MBD5: variants seen among roughly 807,000 people sequenced by gnomAD.
MBD5 encodes methyl-CpG binding domain protein 5.
A neutral mutation model predicts 117.3 loss-of-function variants in MBD5; 13 were observed. The ratio of observed to expected loss-of-function variants is 0.11; its 90% CI spans 0.07 to 0.18. The LOEUF (loss-of-function observed/expected upper bound fraction) is 0.18, where lower values mean the gene tolerates loss of function less well. Ranked by LOEUF, MBD5 falls within the 10% of genes least tolerant of loss-of-function variation. The pLI is 1.00. For missense variants in MBD5, 1,879 were observed against 2,093.8 expected, an observed-to-expected ratio of 0.90 and a Z score of 2.00; for synonymous variants, 727 against 766.4, an observed-to-expected ratio of 0.95 and a Z score of 0.85.
intron 1 of MBD5, among the ~76,000 whole-genome samples, chr2:148,068,302 C>T (rs189522233): frequency 6.6e-6 from 1 of 152,314 alleles, no homozygotes; most frequent in East Asian, 1.9e-4. Context: ...TACTCACATG[C>T]ATTAGTTCTT....
intron 1 of MBD5, among the ~76,000 whole-genome samples, chr2:148,124,866 G>A (rs923355590): frequency 2.6e-5 from 4 of 151,314 alleles, no homozygotes; most frequent in African/African-American, 9.7e-5. Context: ...TCAAGGAATA[G>A]TTATACATAA....
At chr2:148,032,263 T>C (rs1573931841) in intron 1 of MBD5, among the ~76,000 whole-genome samples, 1 of 152,146 alleles carries the variant, frequency 6.6e-6, no homozygotes, top group Non-Finnish European at 1.5e-5. Flanking sequence ...CCGGAACTTA[T>C]ATCTAAAGAT....
chr2:148,469,814 T>C lies in MBD5; in HGVS notation c.1871T>C (p.Phe624Ser). The change falls in exon 8 of 14, where the codon TTC becomes TCC. Residue 624 changes from phenylalanine to serine, a missense_variant. Coordinates refer to ENST00000642680, the MANE Select transcript of MBD5 (RefSeq NM_001378120.1). ...TEGHSTLNTM[F>S]PPTANMLLPT... Reference sequence around the variant, plus strand: ...GGACATAGCACTTTAAACACCATGTTCCCTCCTACTGCCAACATGCTTCTC... The same window carrying C: ...GGACATAGCACTTTAAACACCATGTCCCCTCCTACTGCCAACATGCTTCTC... 2 of 1,613,858 alleles carry C rather than the reference T, an allele frequency of 1.2e-6. No individual in the cohort carries two copies. The highest frequency in any genetic ancestry group is 8.5e-7 in the Non-Finnish European group (1 of 1,179,862).
At chr2:148,124,036 T>G (rs1696830781) in intron 1 of MBD5, among the ~76,000 whole-genome samples, 1 of 152,182 alleles carries the variant, frequency 6.6e-6, no homozygotes, top group African/African-American at 2.4e-5. Flanking sequence ...TACAGCACTT[T>G]GGGTGGCCAA....
intron 4 of MBD5, among the ~76,000 whole-genome samples, chr2:148,433,395 G>C (rs1706051596): frequency 6.6e-6 from 1 of 152,106 alleles, no homozygotes; most frequent in Non-Finnish European, 1.5e-5. Context: ...ATGTTGAATA[G>C]GAGTGGTGAG....
chr2:148,386,536 G>T lies in MBD5; in HGVS notation c.-557+44200G>T, dbSNP rs184334705. Among the ~76,000 whole-genome samples, 1,252 of 151,604 alleles carry T rather than the reference G, an allele frequency of 8.3e-3. 22 individuals are homozygous for T. The highest frequency in any genetic ancestry group is 0.029 in the African/African-American group (1,206 of 41,342). ...GATCGAGACCATCCCGGCTAAAACG[G>T]TGAAACCCCGTCTCTACTAAAAATA... On this transcript the variant is annotated intron_variant, in intron 4 of 13. Coordinates refer to ENST00000642680, the MANE Select transcript of MBD5 (RefSeq NM_001378120.1).
intron 1 of MBD5, among the ~76,000 whole-genome samples, chr2:148,118,374 C>T (rs1261628300): frequency 1.3e-5 from 2 of 151,786 alleles, no homozygotes; most frequent in Non-Finnish European, 2.9e-5. Context: ...ACTTAGGAGG[C>T]TGAGATTGGA....
intron 1 of MBD5, among the ~76,000 whole-genome samples, chr2:148,151,206 G>T (rs143763416): frequency 6.6e-6 from 1 of 151,828 alleles, no homozygotes; most frequent in Non-Finnish European, 1.5e-5. Context: ...TAATCATGTG[G>T]TTTTTGTCTT....
intron 1 of MBD5, among the ~76,000 whole-genome samples, chr2:148,135,517 G>T (rs1247736581): frequency 6.6e-6 from 1 of 152,062 alleles, no homozygotes; most frequent in Non-Finnish European, 1.5e-5. Flanking sequence ...TGTATTGCTT[G>T]TGTTAAAAGT....
intron 3 of MBD5, among the ~76,000 whole-genome samples, chr2:148,283,657 T>A (rs1013836030): frequency 6.6e-6 from 1 of 152,154 alleles, no homozygotes; most frequent in African/African-American, 2.4e-5. Flanking sequence ...TCATAAGAAA[T>A]GTGCTCTCCA....
chr2:148,465,400 T>C (rs1403763491), intron 7 of MBD5, among the ~76,000 whole-genome samples: 2 of 152,148 alleles, frequency 1.3e-5, no homozygotes, highest in African/African-American at 4.8e-5. Flanking sequence ...ATATGAATGC[T>C]CTCTAAAATA....
rs546222022 is a variant in MBD5 at position 148,081,599 on chromosome 2, T to C, written c.-925+59915T>C. Among the ~76,000 whole-genome samples the C allele has an allele frequency of 2.6e-5, 4 of 152,250 alleles. No individual in the cohort carries two copies. In the East Asian group the frequency reaches 5.8e-4, roughly 22 times the overall value. On this transcript the variant is annotated intron_variant, in intron 1 of 13. Transcript: ENST00000642680. Reference sequence around the variant, plus strand: ...ATCCCATCACTCATATCACCCTGACTGTAATAAGGAATAAGAGTACAGTAG... The same window carrying C: ...ATCCCATCACTCATATCACCCTGACCGTAATAAGGAATAAGAGTACAGTAG...
At chr2:148,390,513 A>G (rs2382228) in intron 4 of MBD5, among the ~76,000 whole-genome samples, 20,009 of 90,414 alleles carry the variant, frequency 0.22, 1,829 homozygotes, top group African/African-American at 0.32. Flanking sequence ...GTGTGTATGT[A>G]TATATGTGTG....
At chr2:148,208,670 T>G in intron 2 of MBD5, among the ~76,000 whole-genome samples, 1 of 138,536 alleles carries the variant, frequency 7.2e-6, no homozygotes, top group Non-Finnish European at 1.6e-5. Flanking sequence ...TTTTTTTTTT[T>G]CCAAGGTTGC....
Position 148,513,162 on chromosome 2 carries a change from G to T in MBD5, c.*221G>T. On this transcript the variant is annotated 3_prime_UTR_variant, in exon 14 of 14. Coordinates refer to ENST00000642680, the MANE Select transcript of MBD5 (RefSeq NM_001378120.1). ...ATCAAAGTCTCTGTGTGATGAGAGT[G>T]ATCAATGGTCAAGAGATTACTGAGA... is the stretch of plus-strand genomic sequence containing the variant. 3.6e-6 allele frequency: 2 copies of T among 551,274 alleles called. No homozygotes were observed. The highest frequency in any genetic ancestry group is 3.0e-5 in the East Asian group (1 of 33,110). The allele number at this position is 551,274 out of a possible 1,614,324, so 34.1% of individuals were successfully genotyped here.
In MBD5 at chr2:148,033,910, A is replaced by G. The variant is rs530334822; in HGVS notation, c.-925+12226A>G. 2.0e-4 allele frequency among the ~76,000 whole-genome samples: 30 copies of G among 152,356 alleles called. 1 individual carries two copies. The South Asian group carries it at 6.0e-3, about 30-fold the overall frequency. ...AAAACATTCCAATTGAGAAAATACC[A>G]GCATTGATTCATTTTCCATGCAATA... On this transcript the variant is annotated intron_variant, in intron 1 of 13. Coordinates refer to ENST00000642680, the MANE Select transcript of MBD5 (RefSeq NM_001378120.1).
intron 2 of MBD5, among the ~76,000 whole-genome samples, chr2:148,180,176 A>T (rs1698490932): frequency 6.6e-6 from 1 of 151,448 alleles, no homozygotes; most frequent in Non-Finnish European, 1.5e-5. Context: ...TTGAAAACAT[A>T]AGTGATATTA....
chr2:148,389,249 A>AAAAT (rs1704480587), intron 4 of MBD5, among the ~76,000 whole-genome samples: 1 of 32,334 alleles, frequency 3.1e-5, no homozygotes, highest in Non-Finnish European at 5.7e-5. Context: ...AGGAAAAAAA[A>AAAAT]ACATATATAT....
At chr2:148,148,855 T>A (rs545185280) in intron 1 of MBD5, among the ~76,000 whole-genome samples, 2 of 152,296 alleles carry the variant, frequency 1.3e-5, no homozygotes, top group African/African-American at 2.4e-5. Context: ...CATTTATTTT[T>A]CTCTCTATAT....
Sources: gnomAD v4.1 joint callset for allele counts (sites outside exome capture counted in the v4.1 genomes callset) on GRCh38, gnomAD v4.1.1 for gene constraint, MANE v1.5 for transcripts, NCBI Gene and HGNC (gene_info 2026-07-23, HGNC 2026-07-21) for gene names.